The following MTUS1 variants were observed in gnomAD, a reference collection of about 807,000 sequenced individuals.
MTUS1 encodes microtubule-associated tumor suppressor 1.
In MTUS1, 109 loss-of-function variants were observed where a neutral mutation model predicts 120.8. That is an observed-to-expected ratio of 0.90 (90% CI 0.77 to 1.06). The LOEUF (loss-of-function observed/expected upper bound fraction) is 1.06, where lower values mean the gene tolerates loss of function less well. MTUS1 is among the 50% of genes least tolerant of loss of function. The pLI is 0.00. For synonymous variants in MTUS1, 737 were observed against 550.5 expected (o/e 1.34, Z -4.74); for missense variants, 2,210 against 1,486.3 (o/e 1.49, Z -8.01).
chr8:17,746,573 T>G (rs1448467237), intron 2 of MTUS1, among the ~76,000 whole-genome samples: 1 of 152,110 alleles, frequency 6.6e-6, no homozygotes, highest in Non-Finnish European at 1.5e-5. Context: ...TCATGAGACT[T>G]ACTCACTACC....
intron 6 of MTUS1, among the ~76,000 whole-genome samples, chr8:17,710,361 G>C (rs949416468): frequency 6.6e-6 from 1 of 152,140 alleles, no homozygotes; most frequent in African/African-American, 2.4e-5. Context: ...GGACTCCTTT[G>C]TCATTTCAAC....
intron 7 of MTUS1, chr8:17,676,444 C>T (rs117750167): frequency 0.032 from 20,962 of 653,142 alleles, 1,086 homozygotes; most frequent in South Asian, 0.14. Context: ...GCAGGAGGCG[C>T]GCCATTGGCC....
chr8:17,675,840 G>C (rs1482323170), intron 7 of MTUS1: 1 of 161,044 alleles, frequency 6.2e-6, no homozygotes, highest in African/African-American at 2.4e-5. Flanking sequence ...TTGGATCAGT[G>C]ATAATTCTAA....
intron 1 of MTUS1, among the ~76,000 whole-genome samples, chr8:17,786,288 G>C (rs565573627): frequency 6.6e-6 from 1 of 152,140 alleles, no homozygotes; most frequent in African/African-American, 2.4e-5. Flanking sequence ...AGTTACTTCC[G>C]TAGAGACCAG....
chr8:17,713,960 T>C (rs938014418), intron 5 of MTUS1, among the ~76,000 whole-genome samples: 3 of 152,204 alleles, frequency 2.0e-5, no homozygotes, highest in Non-Finnish European at 2.9e-5. Context: ...ATCCATTCAA[T>C]AGTGAGGCAT....
At chr8:17,778,575 G>C (rs1419149166) in intron 1 of MTUS1, among the ~76,000 whole-genome samples, 4 of 152,152 alleles carry the variant, frequency 2.6e-5, no homozygotes, top group Non-Finnish European at 5.9e-5. Flanking sequence ...CCAGCACTTT[G>C]GAGGGAGGAG....
chr8:17,646,187 A>C, intron 14 of MTUS1, 48 bp from the exon 15 acceptor site: 2 of 1,501,914 alleles, frequency 1.3e-6, no homozygotes, highest in East Asian at 2.3e-5. Flanking sequence ...AAAAAAAAAA[A>C]AACTTGAAAA....
At chr8:17,765,092 T>C (rs933117258) in intron 1 of MTUS1, among the ~76,000 whole-genome samples, 4 of 152,134 alleles carry the variant, frequency 2.6e-5, no homozygotes, top group Non-Finnish European at 5.9e-5. Context: ...TTCTCATAAG[T>C]AGCTCGCAAC....
intron 1 of MTUS1, among the ~76,000 whole-genome samples, chr8:17,783,307 T>C (rs1026960475): frequency 3.9e-5 from 6 of 152,128 alleles, no homozygotes; most frequent in African/African-American, 7.2e-5. Flanking sequence ...GAGTTGGAAT[T>C]TTCCAAACAC....
chr8:17,695,078 G>C (rs1280069363), intron 6 of MTUS1, among the ~76,000 whole-genome samples: 2 of 152,120 alleles, frequency 1.3e-5, no homozygotes, highest in African/African-American at 2.4e-5. Flanking sequence ...AGTTACTGCT[G>C]ACAGTCCATT....
At chr8:17,744,171 G>C (rs947429552) in intron 2 of MTUS1, among the ~76,000 whole-genome samples, 2 of 152,160 alleles carry the variant, frequency 1.3e-5, no homozygotes, top group African/African-American at 4.8e-5. Flanking sequence ...GCCCTGCAAA[G>C]CTGTCTCTTG....
chr8:17,652,518 A>G (rs1260346354), intron 12 of MTUS1, among the ~76,000 whole-genome samples: 1 of 152,044 alleles, frequency 6.6e-6, no homozygotes, highest in Admixed American at 6.5e-5. Flanking sequence ...GTGACTGCTA[A>G]TGGGTCCAGG....
chr8:17,655,629 A>G (rs1563143403), intron 9 of MTUS1, among the ~76,000 whole-genome samples: 1 of 152,046 alleles, frequency 6.6e-6, no homozygotes, highest in Admixed American at 6.5e-5. Context: ...GAGGTTGAGG[A>G]AGGAGAATCA....
intron 3 of MTUS1, among the ~76,000 whole-genome samples, chr8:17,724,338 A>C (rs2046066010): frequency 6.6e-6 from 1 of 152,172 alleles, no homozygotes; most frequent in Non-Finnish European, 1.5e-5. Flanking sequence ...CAGAAAACAG[A>C]ACTCACGTTA....
At chr8:17,739,670 T>G (rs536874741) in intron 3 of MTUS1, among the ~76,000 whole-genome samples, 1 of 152,174 alleles carries the variant, frequency 6.6e-6, no homozygotes, top group Non-Finnish European at 1.5e-5. Flanking sequence ...CTGTGGAAGA[T>G]TCCTTGTCTA....
At chr8:17,780,147 C>T (rs2131515627) in intron 1 of MTUS1, among the ~76,000 whole-genome samples, 1 of 152,126 alleles carries the variant, frequency 6.6e-6, no homozygotes, top group Middle Eastern at 3.4e-3. Context: ...TGGCAGCGGA[C>T]TCTGGGCACA....
In MTUS1 at chr8:17,646,962, C is replaced by T. The variant is rs1442132425; in HGVS notation, c.3599+20G>A. On this transcript the variant is annotated intron_variant, in intron 14 of 14. Transcript: ENST00000693296. ...AAGGGAGCGGGGAGCTCGGGAGAAA[C>T]AGCACTGTTTTATTTTTACCTTGAG... The T allele has an allele frequency of 6.3e-7, 1 of 1,589,946 alleles. No individual in the cohort carries two copies. The highest frequency in any genetic ancestry group is 8.6e-7 in the Non-Finnish European group (1 of 1,158,242).
intron 1 of MTUS1, among the ~76,000 whole-genome samples, chr8:17,774,036 T>C (rs2050213153): frequency 6.6e-6 from 1 of 152,202 alleles, no homozygotes; most frequent in African/African-American, 2.4e-5. Context: ...CACCTCATTA[T>C]ATGACCTTAA....
At chr8:17,660,626 TG>T (rs1261615512) in intron 8 of MTUS1, among the ~76,000 whole-genome samples, 2 of 152,200 alleles carry the variant, frequency 1.3e-5, no homozygotes, top group Non-Finnish European at 2.9e-5. Flanking sequence ...CCATAGTGGT[TG>T]AACCATTCTA....
Sources: allele counts gnomAD v4.1 joint callset (sites outside exome capture counted in the v4.1 genomes callset), GRCh38; gene constraint gnomAD v4.1.1; transcripts MANE v1.5; gene names NCBI Gene and HGNC (gene_info 2026-07-23, HGNC 2026-07-21).